Variants in STXBP5L observed in about 807,000 individuals in gnomAD.
STXBP5L encodes syntaxin binding protein 5L, also known as syntaxin-binding protein 5-like.
In STXBP5L, 65 loss-of-function variants were observed where a neutral mutation model predicts 144.5. The observed-to-expected ratio is 0.45, with a 90% CI of 0.37 to 0.55. The LOEUF (loss-of-function observed/expected upper bound fraction) is 0.55, where lower values mean the gene tolerates loss of function less well. STXBP5L is among the 20% of genes least tolerant of loss of function. STXBP5L has a pLI of 0.00. For missense variants in STXBP5L, 1,298 were observed against 1,405.5 expected (o/e 0.92, Z 1.22); for synonymous variants, 505 against 469.6 (o/e 1.08, Z -0.97).
At chr3:121,185,569 T>G (rs1293132222) in intron 9 of STXBP5L, among the ~76,000 whole-genome samples, 1 of 152,166 alleles carries the variant, frequency 6.6e-6, no homozygotes, top group African/African-American at 2.4e-5. Flanking sequence ...TTTCTCCATT[T>G]CTTGTTTTTG....
intron 9 of STXBP5L, among the ~76,000 whole-genome samples, chr3:121,190,690 C>G (rs922091569): frequency 6.6e-6 from 1 of 151,980 alleles, no homozygotes; most frequent in Non-Finnish European, 1.5e-5. Flanking sequence ...GGCTGCCCCC[C>G]ACCTCCCTGA....
In STXBP5L at chr3:121,246,920, C is replaced by T. The variant is rs2049872959; in HGVS notation, c.1401-3803C>T. 2.0e-5 allele frequency among the ~76,000 whole-genome samples: 3 copies of T among 152,084 alleles called. No individual in the cohort carries two copies. The South Asian group carries it at 6.2e-4, about 31-fold the overall frequency. ...CAGAAAGTAGATTATTGGGGATCTACTAGGGATGAGAAAGAGGGTTGCAAA... is the reference window on the plus strand; with the variant it reads ...CAGAAAGTAGATTATTGGGGATCTATTAGGGATGAGAAAGAGGGTTGCAAA... On this transcript the variant is annotated intron_variant, in intron 14 of 26. Transcript: ENST00000471454.
intron 5 of STXBP5L, among the ~76,000 whole-genome samples, chr3:121,064,299 C>T (rs1490262002): frequency 6.6e-6 from 1 of 152,220 alleles, no homozygotes; most frequent in Admixed American, 6.5e-5. Context: ...CGATGGTCTG[C>T]ACCAACTATC....
chr3:121,270,256 T>A (rs2108416684), intron 18 of STXBP5L, among the ~76,000 whole-genome samples: 1 of 148,780 alleles, frequency 6.7e-6, no homozygotes, highest in East Asian at 2.0e-4. Context: ...TTTTACATCA[T>A]AAGCATAGTG....
At chr3:121,014,372 G>A (rs539027822) in intron 3 of STXBP5L, among the ~76,000 whole-genome samples, 5 of 151,692 alleles carry the variant, frequency 3.3e-5, no homozygotes, top group Non-Finnish European at 7.4e-5. Context: ...CACATAGCAG[G>A]GTTGTCTTTT....
intron 10 of STXBP5L, among the ~76,000 whole-genome samples, chr3:121,213,124 G>A (rs560801455): frequency 1.3e-5 from 2 of 152,174 alleles, no homozygotes; most frequent in Admixed American, 6.5e-5. Flanking sequence ...AGACAATGGG[G>A]TTTTCTAAAT....
chr3:120,944,821 C>G (rs1396437828), intron 2 of STXBP5L, among the ~76,000 whole-genome samples: 1 of 151,760 alleles, frequency 6.6e-6, no homozygotes, highest in Non-Finnish European at 1.5e-5. Flanking sequence ...TTTACTTAGT[C>G]TTTTCTTTCA....
At chr3:121,246,395 T>C (rs1243986336) in intron 14 of STXBP5L, among the ~76,000 whole-genome samples, 1 of 152,180 alleles carries the variant, frequency 6.6e-6, no homozygotes, top group Non-Finnish European at 1.5e-5. Context: ...ACCACACATC[T>C]GTAGATGCAA....
At chr3:121,317,545 T>C (rs1209825317) in intron 19 of STXBP5L, among the ~76,000 whole-genome samples, 3 of 152,178 alleles carry the variant, frequency 2.0e-5, no homozygotes, top group Non-Finnish European at 2.9e-5. Flanking sequence ...ATTATTTTGG[T>C]CATTGAAAAT....
intron 5 of STXBP5L, among the ~76,000 whole-genome samples, chr3:121,090,662 G>C (rs967911221): frequency 2.6e-5 from 4 of 152,056 alleles, no homozygotes; most frequent in East Asian, 1.9e-4. Context: ...TTGTACCTAA[G>C]AGTAATCATT....
At chr3:121,136,290 A>G (rs1577040893) in intron 7 of STXBP5L, among the ~76,000 whole-genome samples, 1 of 152,140 alleles carries the variant, frequency 6.6e-6, no homozygotes, top group Non-Finnish European at 1.5e-5. Flanking sequence ...GTAAAACTCA[A>G]TATCTGGCAG....
At chr3:121,321,696 C>T (rs1001963920) in intron 20 of STXBP5L, among the ~76,000 whole-genome samples, 6 of 152,152 alleles carry the variant, frequency 3.9e-5, no homozygotes, top group African/African-American at 7.2e-5. Flanking sequence ...GTTACCTCCC[C>T]TGTAGGTATC....
intron 5 of STXBP5L, among the ~76,000 whole-genome samples, chr3:121,101,382 A>C (rs1273674795): frequency 6.6e-6 from 1 of 152,132 alleles, no homozygotes; most frequent in Non-Finnish European, 1.5e-5. Flanking sequence ...CACAACAAAA[A>C]GTTAATTCAC....
intron 3 of STXBP5L, among the ~76,000 whole-genome samples, chr3:120,975,802 CAT>C (rs1272014151): frequency 6.6e-6 from 1 of 152,042 alleles, no homozygotes; most frequent in Admixed American, 6.6e-5. Context: ...TTGAGATAAT[CAT>C]GTGGTTTTTG....
chr3:121,167,827 TCTG>T (rs2046556709), intron 9 of STXBP5L, among the ~76,000 whole-genome samples: 1 of 152,128 alleles, frequency 6.6e-6, no homozygotes, highest in Admixed American at 6.5e-5. Flanking sequence ...GCGTTCGAGC[TCTG>T]CTAAGGGTCA....
intron 3 of STXBP5L, among the ~76,000 whole-genome samples, chr3:120,969,982 G>A (rs1435849910): frequency 6.6e-6 from 1 of 151,942 alleles, no homozygotes; most frequent in East Asian, 1.9e-4. Flanking sequence ...TGGTTACTAT[G>A]AGGCTTCCAA....
intron 7 of STXBP5L, among the ~76,000 whole-genome samples, chr3:121,131,599 G>C (rs1406479549): frequency 6.6e-6 from 1 of 151,988 alleles, no homozygotes; most frequent in Non-Finnish European, 1.5e-5. Flanking sequence ...GCCTATTACA[G>C]AAAAACTTTA....
At chr3:120,991,626 A>T (rs1490380835) in intron 3 of STXBP5L, among the ~76,000 whole-genome samples, 1 of 152,224 alleles carries the variant, frequency 6.6e-6, no homozygotes. Context: ...TGTGGCACAT[A>T]TACACCATGG....
At chr3:121,238,365 G>T (rs1295074098) in intron 12 of STXBP5L, among the ~76,000 whole-genome samples, 1 of 151,902 alleles carries the variant, frequency 6.6e-6, no homozygotes. Context: ...TTAACAACCA[G>T]CTCTCACAGG....
Sources: allele counts gnomAD v4.1 joint callset (sites outside exome capture counted in the v4.1 genomes callset), GRCh38; gene constraint gnomAD v4.1.1; transcripts MANE v1.5; gene names NCBI Gene and HGNC (gene_info 2026-07-23, HGNC 2026-07-21).